UBXN7: variants seen among roughly 807,000 people sequenced by gnomAD.
UBXN7 encodes UBX domain-containing protein 7.
In UBXN7, 9 loss-of-function variants were observed where a neutral mutation model predicts 58.0. The ratio of observed to expected loss-of-function variants is 0.16; its 90% CI spans 0.09 to 0.27. The LOEUF (loss-of-function observed/expected upper bound fraction) is 0.27. UBXN7 is among the 10% of genes least tolerant of loss of function. The probability of loss-of-function intolerance (pLI) is 1.00; values close to 1 mark genes in which losing one functional copy is unlikely to be tolerated. For synonymous variants in UBXN7, 208 were observed against 205.0 expected, an observed-to-expected ratio of 1.01 and a Z score of -0.12; for missense variants, 328 against 599.6, an observed-to-expected ratio of 0.55 and a Z score of 4.73.
chr3:196,372,046 C>T lies in UBXN7; in HGVS notation c.469-4G>A, dbSNP rs1427148840. On this transcript the variant is annotated splice_region_variant and splice_polypyrimidine_tract_variant and intron_variant, in intron 5 of 10. Transcript: ENST00000296328. ...GCATCTGGCCACACTCTTTGGCCTG[C>T]AAGAGTAAAGTTACACATTTGTTAG... is the stretch of plus-strand genomic sequence containing the variant. 4.4e-6 allele frequency: 7 copies of T among 1,591,322 alleles called. No individual in the cohort carries two copies. The highest frequency in any genetic ancestry group is 1.7e-4 in the Middle Eastern group (1 of 5,988).
intron 5 of UBXN7, among the ~76,000 whole-genome samples, chr3:196,388,776 A>G (rs150931478): frequency 1.5e-4 from 23 of 152,290 alleles, no homozygotes; most frequent in Non-Finnish European, 2.9e-4. Context: ...TTATCTTTCT[A>G]AACTTCAATG....
intron 5 of UBXN7, among the ~76,000 whole-genome samples, chr3:196,372,986 G>C (rs1728887573): frequency 1.3e-5 from 2 of 152,126 alleles, no homozygotes; most frequent in South Asian, 4.2e-4. Context: ...CCTGACCTCA[G>C]GTGACGCACC....
intron 3 of UBXN7, among the ~76,000 whole-genome samples, chr3:196,395,212 A>G (rs891662522): frequency 9.2e-5 from 14 of 152,208 alleles, no homozygotes; most frequent in African/African-American, 3.1e-4. Context: ...GTGTCAAAAC[A>G]TCTTTCCCAA....
chr3:196,432,409 G>C lies in UBXN7; in HGVS notation c.-10C>G. On this transcript the variant is annotated 5_prime_UTR_variant, in exon 1 of 11. Coordinates refer to ENST00000296328, the MANE Select transcript of UBXN7 (RefSeq NM_015562.2). ...CCCCGTGGGCAGCCATCTTACCGCC[G>C]CCGCCGCCGCCGAACAACAACACAG... The C allele has an allele frequency of 6.3e-7, 1 of 1,581,404 alleles. No homozygotes were observed. Among genetic ancestry groups the C allele is most frequent in the East Asian group, 2.3e-5 (1 of 44,264 alleles).
intron 1 of UBXN7, among the ~76,000 whole-genome samples, chr3:196,408,003 TAGG>T (rs1436440439): frequency 7.1e-6 from 1 of 141,700 alleles, no homozygotes; most frequent in African/African-American, 2.7e-5. Context: ...GAGGCTGAGG[TAGG>T]AGAATTGCTT....
intron 1 of UBXN7, among the ~76,000 whole-genome samples, chr3:196,419,565 T>C (rs1384599280): frequency 7.2e-5 from 11 of 152,200 alleles, no homozygotes; most frequent in African/African-American, 2.7e-4. Context: ...TCTTAGCGTA[T>C]CACTTAGTGA....
chr3:196,360,925 C>A (rs778049952), intron 10 of UBXN7, among the ~76,000 whole-genome samples: 3 of 152,060 alleles, frequency 2.0e-5, no homozygotes, highest in Non-Finnish European at 2.9e-5. Context: ...ATCACTTGAG[C>A]CGGGGCGGGG....
At chr3:196,377,892 G>A (rs112285317) in intron 5 of UBXN7, among the ~76,000 whole-genome samples, 2 of 151,828 alleles carry the variant, frequency 1.3e-5, no homozygotes, top group African/African-American at 2.4e-5. Flanking sequence ...GGCTGGTCTC[G>A]AACTCCTGGG....
intron 8 of UBXN7, among the ~76,000 whole-genome samples, chr3:196,362,913 T>C (rs989917478): frequency 6.6e-6 from 1 of 152,020 alleles, no homozygotes. Context: ...TTGTTTTGTT[T>C]TGTTTTTGAG....
At chr3:196,374,118 C>T (rs1278036272) in intron 5 of UBXN7, among the ~76,000 whole-genome samples, 8 of 151,970 alleles carry the variant, frequency 5.3e-5, no homozygotes, top group African/African-American at 1.9e-4. Flanking sequence ...TGAAAATAAA[C>T]GGAAAAATGA....
In UBXN7 at chr3:196,357,470, C is replaced by G. The variant is rs1251586111; in HGVS notation, c.1309-624G>C. Among the ~76,000 whole-genome samples, 4 of 152,196 alleles carry G rather than the reference C, an allele frequency of 2.6e-5. No individual in the cohort carries two copies. In the East Asian group the frequency reaches 7.7e-4, roughly 29 times the overall value. On this transcript the variant is annotated intron_variant, in intron 10 of 10. Coordinates refer to ENST00000296328, the MANE Select transcript of UBXN7 (RefSeq NM_015562.2). ...GCTAGTCAGACTCAAGATTCTGTTT[C>G]CAGCAGTTAAAAACAGAGGGTGTCG...
chr3:196,430,533 C>T (rs1226915937), intron 1 of UBXN7, among the ~76,000 whole-genome samples: 1 of 151,888 alleles, frequency 6.6e-6, no homozygotes, highest in Non-Finnish European at 1.5e-5. Flanking sequence ...GACTACATGT[C>T]GGTGCCACTA....
At position 196,355,689 on chromosome 3, in the gene UBXN7, TTTTC is replaced by T. The variant is rs1728326355; in HGVS notation, c.*992_*995del. 1 of 152,142 alleles carries T rather than the reference TTTTC, an allele frequency of 6.6e-6. No homozygotes were observed. Among genetic ancestry groups the T allele is most frequent in the Non-Finnish European group, 1.5e-5 (1 of 68,026 alleles). The allele number at this position is 152,142 out of a possible 1,614,324, so 9.4% of individuals were successfully genotyped here. ...TGGTTAGCAACTCTCAGCTGAATGG[TTTTC>T]TTTTTCCCCAGGGACATACCTAAGT... On this transcript the variant is annotated 3_prime_UTR_variant, in exon 11 of 11. Coordinates refer to ENST00000296328, the MANE Select transcript of UBXN7 (RefSeq NM_015562.2).
In UBXN7 at chr3:196,371,883, C is replaced by A; in HGVS notation, c.615+13G>T. On this transcript the variant is annotated intron_variant, in intron 6 of 10. Coordinates refer to ENST00000296328, the MANE Select transcript of UBXN7 (RefSeq NM_015562.2). ...AAAATTCTACAAAACTTCTGATTAA[C>A]TCTCCTTCTCACCTGCCAGAAAATG... The A allele has an allele frequency of 6.2e-7, 1 of 1,605,910 alleles. No individual in the cohort carries two copies. Among genetic ancestry groups the A allele is most frequent in the Admixed American group, 1.7e-5 (1 of 57,742 alleles).
In UBXN7 at chr3:196,422,073, G is replaced by A. The variant is rs553973302; in HGVS notation, c.73+10254C>T. On this transcript the variant is annotated intron_variant, in intron 1 of 10. Transcript: ENST00000296328. Reference sequence around the variant, plus strand: ...AAATTATCCAGGCAAGGTGGTGCACGCCTGTAGTCCCAGCTACTTGGGAGG... The same window carrying A: ...AAATTATCCAGGCAAGGTGGTGCACACCTGTAGTCCCAGCTACTTGGGAGG... Among the ~76,000 whole-genome samples, 16 of 152,158 alleles carry A rather than the reference G, an allele frequency of 1.1e-4. No individual in the cohort carries two copies. The East Asian group carries it at 2.1e-3, about 20-fold the overall frequency.
intron 1 of UBXN7, among the ~76,000 whole-genome samples, chr3:196,430,280 G>A (rs1730985220): frequency 6.6e-6 from 1 of 151,628 alleles, no homozygotes; most frequent in African/African-American, 2.4e-5. Flanking sequence ...GCTTGAACCC[G>A]GGAGGTGGAG....
chr3:196,367,203 A>C (rs1222773899), intron 8 of UBXN7, among the ~76,000 whole-genome samples: 3 of 151,502 alleles, frequency 2.0e-5, no homozygotes, highest in Non-Finnish European at 4.4e-5. Flanking sequence ...AAAAAAAAAA[A>C]CCAACAAAAC....
chr3:196,364,585 T>C (rs1462414443), intron 8 of UBXN7, among the ~76,000 whole-genome samples: 1 of 147,568 alleles, frequency 6.8e-6, no homozygotes, highest in South Asian at 2.1e-4. Flanking sequence ...CCATAATAAA[T>C]AGGTAAAAAA....
intron 5 of UBXN7, among the ~76,000 whole-genome samples, chr3:196,389,522 T>A (rs6774894): frequency 0.37 from 56,153 of 151,924 alleles, 11,091 homozygotes; most frequent in East Asian, 0.83. Context: ...TGAAATGTAA[T>A]CCCCAGTGTT....
Sources: allele counts gnomAD v4.1 joint callset (sites outside exome capture counted in the v4.1 genomes callset), GRCh38; gene constraint gnomAD v4.1.1; transcripts MANE v1.5; gene names NCBI Gene and HGNC (gene_info 2026-07-23, HGNC 2026-07-21).